GSTA2: variants seen among roughly 807,000 people sequenced by gnomAD.
The protein encoded by GSTA2 is glutathione S-transferase alpha 2.
Under a neutral mutation model 22.4 loss-of-function variants are expected in GSTA2, and 27 were observed. The ratio of observed to expected loss-of-function variants is 1.21; its 90% CI spans 0.89 to 1.67. The LOEUF is 1.67. Ranked by LOEUF, GSTA2 falls within the 40% of genes most tolerant of loss-of-function variation. GSTA2 has a pLI of 0.00. For missense variants in GSTA2, 302 were observed against 260.2 expected (o/e 1.16, Z -1.11); for synonymous variants, 121 against 86.8 (o/e 1.39, Z -2.19).
At chr6:52,761,730 T>C (rs1327664890) in intron 1 of GSTA2, among the ~76,000 whole-genome samples, 5 of 150,600 alleles carry the variant, frequency 3.3e-5, no homozygotes, top group Non-Finnish European at 5.9e-5. Flanking sequence ...TTTGTTCCTC[T>C]GCTCCAGAGG....
At chr6:52,758,093 T>A (rs73740540) in intron 1 of GSTA2, 116 bp from the exon 2 acceptor site, 1 of 643,904 alleles carries the variant, frequency 1.6e-6, no homozygotes, top group Non-Finnish European at 2.7e-6. Context: ...GCCTTCTTCA[T>A]GACGGTGTTG....
rs1480530383 is a variant in GSTA2, at chr6:52,752,962, C to G, written c.306G>C (p.Leu102Phe). Reference protein sequence around the residue: ...IDMYIEGIADLGEMILLLPFS... With the variant: ...IDMYIEGIADFGEMILLLPFS... ...AGGGCAGAAGAAGGATCATTTCACC[C>G]AAATCTGCTATACCTTCTATATACA... The change falls in exon 5 of 7, where the codon TTG becomes TTC. Residue 102 changes from leucine (L) to phenylalanine (F), a missense_variant. Physicochemically the swap from Leu to Phe is conservative, Grantham distance 22 (BLOSUM62 0). Transcript: ENST00000493422. 1.9e-6 allele frequency: 3 copies of G among 1,613,374 alleles called. No homozygotes were observed.
chr6:52,752,800 T>A (rs959926645), intron 5 of GSTA2, 54 bp downstream of exon 5: 2 of 1,608,278 alleles, frequency 1.2e-6, no homozygotes, highest in African/African-American at 2.7e-5. Flanking sequence ...CAGCCACTAT[T>A]TTTCTACTGG....
chr6:52,755,089 A>T lies in GSTA2; in HGVS notation c.140-14T>A. On this transcript the variant is annotated splice_polypyrimidine_tract_variant and intron_variant, in intron 3 of 6. Coordinates refer to ENST00000493422, the MANE Select transcript of GSTA2 (RefSeq NM_000846.5). ...TCAAATATCCATCTTTAAGAGGAAG[A>T]AAAAAAAGGAGAGTGAAGTGTCTAT... 1 of 1,613,066 alleles carries T rather than the reference A, an allele frequency of 6.2e-7. No individual in the cohort carries two copies. Among genetic ancestry groups the T allele is most frequent in the Non-Finnish European group, 8.5e-7 (1 of 1,179,450 alleles).
At chr6:52,751,156 G>T (rs374723122) in intron 6 of GSTA2, among the ~76,000 whole-genome samples, 1 of 152,094 alleles carries the variant, frequency 6.6e-6, no homozygotes, top group Non-Finnish European at 1.5e-5. Flanking sequence ...TGGAGAGCTG[G>T]GCAGAGAGGA....
rs1434344722 is a variant in GSTA2 at position 52,756,248 on chromosome 6, T to C, written c.139+10A>G. 1 of 1,597,774 alleles carries C rather than the reference T, an allele frequency of 6.3e-7. No individual in the cohort carries two copies. The highest frequency in any genetic ancestry group is 1.1e-5 in the South Asian group (1 of 90,768). On this transcript the variant is annotated intron_variant, in intron 3 of 6. Transcript: ENST00000493422. ...TACCCTCATTAGAGAAACTTAGAGG[T>C]TGATCTTACCATTTCTTAACTTGTC...
rs367577008 is a variant in GSTA2, at chr6:52,754,992, T to C, written c.223A>G (p.Ile75Val). The change falls in exon 4 of 7, where the codon ATT becomes GTT. Residue 75 changes from isoleucine (I) to valine (V), a missense_variant. Transcript: ENST00000493422. ...CCATAGAGGTTGTATTTGCTGGCAA[T>C]GTAGTTGAGAATGGCTCTGGTCTGC... Reference protein sequence around the residue: ...LVQTRAILNYIASKYNLYGKD... With the variant: ...LVQTRAILNYVASKYNLYGKD... 30 of 1,614,036 alleles carry C rather than the reference T, an allele frequency of 1.9e-5. No individual in the cohort carries two copies. Among genetic ancestry groups the C allele is most frequent in the Middle Eastern group, 1.6e-4 (1 of 6,078 alleles).
chr6:52,758,073 A>AAACCACAAACAATGGTT (rs1762882010), intron 1 of GSTA2, 96 bp from the exon 2 acceptor site: 1 of 710,630 alleles, frequency 1.4e-6, no homozygotes, highest in Non-Finnish European at 2.4e-6. Flanking sequence ...ACAATGCTGA[A>AAACCACAAACAATGGTT]GAAGAACCTG....
Position 52,753,040 on chromosome 6 carries a change from G to C in GSTA2, c.273-45C>G. ...AAATGGTCAAATATCTTTTGCCTTA[G>C]ATTTTATAGGTTTATAAAAACCTAA... is the stretch of plus-strand genomic sequence containing the variant. On this transcript the variant is annotated intron_variant, in intron 4 of 6. Transcript: ENST00000493422. The C allele has an allele frequency of 1.9e-6, 3 of 1,540,244 alleles. No individual in the cohort carries two copies. In the South Asian group the frequency reaches 3.8e-5, roughly 19 times the overall value.
In GSTA2 at chr6:52,756,328, A is replaced by C. The variant is rs919641704; in HGVS notation, c.88-19T>G. 1.1e-5 allele frequency: 18 copies of C among 1,580,012 alleles called. No homozygotes were observed. The highest frequency in any genetic ancestry group is 1.1e-4 in the African/African-American group (8 of 74,266). On this transcript the variant is annotated intron_variant, in intron 2 of 6. Transcript: ENST00000493422. ...CTTCAAACTGGAAGCAGAAACAGTA[A>C]ATATGTTCTTGTTAGTTCATTCTAT...
At chr6:52,753,862 G>A (rs771512935) in intron 4 of GSTA2, among the ~76,000 whole-genome samples, 2 of 152,166 alleles carry the variant, frequency 1.3e-5, no homozygotes, top group Non-Finnish European at 2.9e-5. Context: ...ACCATTAGCG[G>A]TATTCTTCAT....
At chr6:52,752,807 C>G (rs746928512) in intron 5 of GSTA2, 47 bp downstream of exon 5, 2 of 1,610,176 alleles carry the variant, frequency 1.2e-6, no homozygotes, top group African/African-American at 2.7e-5. Context: ...TATTTTTCTA[C>G]TGGCTTCTAA....
chr6:52,757,686 G>A lies in GSTA2; in HGVS notation c.87+175C>T, dbSNP rs868525457. 3.9e-5 allele frequency among the ~76,000 whole-genome samples: 6 copies of A among 152,272 alleles called. No homozygotes were observed. In the South Asian group the frequency reaches 1.2e-3, roughly 32 times the overall value. ...GTATTTTAATATGTATGCTTTTAGA[G>A]GAGAAGAAATTTTAAGAATTAATAG... On this transcript the variant is annotated intron_variant, in intron 2 of 6. Coordinates refer to ENST00000493422, the MANE Select transcript of GSTA2 (RefSeq NM_000846.5).
At chr6:52,751,959 C>T (rs542459268) in intron 5 of GSTA2, among the ~76,000 whole-genome samples, 137 of 152,350 alleles carry the variant, frequency 9.0e-4, no homozygotes, top group Non-Finnish European at 1.3e-4. Flanking sequence ...CTACACTACC[C>T]ACCCAGCTTG....
At chr6:52,751,977 C>A (rs1334014322) in intron 5 of GSTA2, among the ~76,000 whole-genome samples, 1 of 152,192 alleles carries the variant, frequency 6.6e-6, no homozygotes, top group Non-Finnish European at 1.5e-5. Flanking sequence ...TTGCTTCTTC[C>A]ACATGGGCCA....
At chr6:52,756,427 G>T in intron 2 of GSTA2, 118 bp from the exon 3 acceptor site, 2 of 789,674 alleles carry the variant, frequency 2.5e-6, no homozygotes, top group Non-Finnish European at 4.2e-6. Context: ...AGTTTGGCAG[G>T]GTACACAGAG....
rs1581775497 is a variant in GSTA2 at position 52,757,865 on chromosome 6, A to G, written c.83T>C (p.Val28Ala). The change falls in exon 2 of 7, where the codon GTA becomes GCA. Residue 28 changes from valine to alanine, a missense_variant. Physicochemically the swap from Val to Ala is moderately conservative, Grantham distance 64 (BLOSUM62 0). Transcript: ENST00000493422. ...ATGACCTAACTCAGAACCTACCTCT[A>G]CTCCAGCTGCAGCCAGGAGCCACCG... Reference protein sequence around the residue: ...SIRWLLAAAGVEFEEKFIKSA... With the variant: ...SIRWLLAAAGAEFEEKFIKSA... 4 of 1,612,342 alleles carry G rather than the reference A, an allele frequency of 2.5e-6. No homozygotes were observed. Among genetic ancestry groups the G allele is most frequent in the Non-Finnish European group, 3.4e-6 (4 of 1,178,644 alleles).
intron 4 of GSTA2, 43 bp from the exon 5 acceptor site, chr6:52,753,038 T>C (rs568075839): frequency 1.3e-6 from 2 of 1,546,726 alleles, no homozygotes; most frequent in African/African-American, 2.7e-5. Flanking sequence ...TCTTTTGCCT[T>C]AGATTTTATA....
Position 52,750,436 on chromosome 6 carries a change from T to C in GSTA2, c.*141A>G. 2 of 716,980 alleles carry C rather than the reference T, an allele frequency of 2.8e-6. No homozygotes were observed. Among genetic ancestry groups the C allele is most frequent in the South Asian group, 4.4e-5 (2 of 45,516 alleles). 44.4% of individuals were successfully genotyped at this position (716,980 alleles called of 1,614,324 possible). A position where few individuals can be genotyped will look rare whatever the true frequency, so the allele number is the denominator to read the frequency against. On this transcript the variant is annotated 3_prime_UTR_variant, in exon 7 of 7. Transcript: ENST00000493422. Reference sequence around the variant, plus strand: ...TTTTAACTAAGTGGGTGAATAGGAGTTGTATTATTTAATTAGCATATAATT... The same window carrying C: ...TTTTAACTAAGTGGGTGAATAGGAGCTGTATTATTTAATTAGCATATAATT...
Sources: allele counts gnomAD v4.1 joint callset (sites outside exome capture counted in the v4.1 genomes callset), GRCh38; gene constraint gnomAD v4.1.1; transcripts MANE v1.5; gene names NCBI Gene and HGNC (gene_info 2026-07-23, HGNC 2026-07-21).